LRP1B: variants seen among roughly 807,000 people sequenced by gnomAD.
The protein encoded by LRP1B is LDL receptor related protein 1B, also known as low-density lipoprotein receptor-related protein 1B.
A neutral mutation model predicts 556.6 loss-of-function variants in LRP1B; 217 were observed. The observed-to-expected ratio is 0.39, with a 90% CI of 0.35 to 0.44. The LOEUF is 0.44. Ranked by LOEUF, LRP1B falls within the 20% of genes least tolerant of loss-of-function variation. The pLI is 1.00. For synonymous variants in LRP1B, 2,047 were observed against 1,865.8 expected, an observed-to-expected ratio of 1.10 and a Z score of -2.50; for missense variants, 5,053 against 5,620.8, an observed-to-expected ratio of 0.90 and a Z score of 3.23.
intron 7 of LRP1B, among the ~76,000 whole-genome samples, chr2:141,118,574 G>A (rs149585308): frequency 1.8e-3 from 280 of 152,024 alleles, no homozygotes; most frequent in African/African-American, 6.4e-3. Flanking sequence ...CGAAGAGATT[G>A]AAATAAGTAG....
At chr2:140,773,037 G>A (rs1425820578) in intron 33 of LRP1B, among the ~76,000 whole-genome samples, 1 of 152,124 alleles carries the variant, frequency 6.6e-6, no homozygotes, top group Non-Finnish European at 1.5e-5. Context: ...GACAGAGGCT[G>A]CAGAGATTAT....
chr2:141,048,888 T>A, intron 11 of LRP1B, 98 bp downstream of exon 11: 1 of 896,538 alleles, frequency 1.1e-6, no homozygotes. Context: ...CAGAAGAACT[T>A]GAGTTCTGGT....
intron 2 of LRP1B, among the ~76,000 whole-genome samples, chr2:141,642,863 T>C (rs1448076403): frequency 6.6e-6 from 1 of 152,180 alleles, no homozygotes; most frequent in Non-Finnish European, 1.5e-5. Flanking sequence ...CGAGTCTTTT[T>C]TACCTAAACT....
chr2:141,603,142 A>G (rs1031309926), intron 2 of LRP1B, among the ~76,000 whole-genome samples: 2 of 152,208 alleles, frequency 1.3e-5, no homozygotes, highest in Non-Finnish European at 2.9e-5. Flanking sequence ...GATTCCTGGA[A>G]GCAACATCAG....
At chr2:141,988,917 C>T (rs1702271572) in intron 1 of LRP1B, among the ~76,000 whole-genome samples, 1 of 151,940 alleles carries the variant, frequency 6.6e-6, no homozygotes, top group Non-Finnish European at 1.5e-5. Flanking sequence ...TAAATAAGTG[C>T]CTACTGCATG....
chr2:141,103,621 T>C (rs939007344), intron 7 of LRP1B, among the ~76,000 whole-genome samples: 1 of 150,808 alleles, frequency 6.6e-6, no homozygotes, highest in African/African-American at 2.4e-5. Flanking sequence ...CTATGTTTTC[T>C]TTGCCAATAG....
At chr2:141,118,976 T>C (rs1187265637) in intron 7 of LRP1B, among the ~76,000 whole-genome samples, 1 of 151,916 alleles carries the variant, frequency 6.6e-6, no homozygotes, top group African/African-American at 2.4e-5. Context: ...AAAGTCTGCC[T>C]TCTCAGCAGA....
intron 45 of LRP1B, among the ~76,000 whole-genome samples, chr2:140,539,789 T>C (rs572132951): frequency 2.0e-5 from 3 of 152,266 alleles, no homozygotes; most frequent in African/African-American, 7.2e-5. Context: ...CAGAGAAGTG[T>C]TAAGTGACAA....
chr2:141,703,412 G>A (rs1692021725), intron 2 of LRP1B, among the ~76,000 whole-genome samples: 1 of 151,866 alleles, frequency 6.6e-6, no homozygotes, highest in Non-Finnish European at 1.5e-5. Flanking sequence ...CTGTTTTTAT[G>A]TATTAATAAC....
In LRP1B at chr2:141,756,175, TTAA is replaced by T. The variant is rs1360103319; in HGVS notation, c.205+54101_205+54103del. Among the ~76,000 whole-genome samples the T allele has an allele frequency of 2.0e-5, 3 of 152,254 alleles. No homozygotes were observed. The East Asian group carries it at 5.8e-4, about 29-fold the overall frequency. Reference sequence around the variant, plus strand: ...CCTTTTGCCAGAAACTTCAAGATTATTAATGTTTCCACAAATGTCAAGTGTTTT... The same window carrying T: ...CCTTTTGCCAGAAACTTCAAGATTATTGTTTCCACAAATGTCAAGTGTTTT... On this transcript the variant is annotated intron_variant, in intron 2 of 90. Transcript: ENST00000389484.
intron 31 of LRP1B, among the ~76,000 whole-genome samples, chr2:140,838,919 T>A (rs547055662): frequency 2.0e-5 from 3 of 152,312 alleles, no homozygotes; most frequent in Admixed American, 2.0e-4. Flanking sequence ...AAGAGAATTT[T>A]TATACTTAAT....
intron 41 of LRP1B, among the ~76,000 whole-genome samples, chr2:140,672,728 C>G (rs12623177): frequency 0.05 from 7,531 of 152,000 alleles, 433 homozygotes; most frequent in East Asian, 0.18. Context: ...TTATTTCCTC[C>G]TCTCTCTTTC....
chr2:140,417,726 A>G (rs562053046), intron 66 of LRP1B, among the ~76,000 whole-genome samples: 2 of 152,306 alleles, frequency 1.3e-5, no homozygotes, highest in African/African-American at 4.8e-5. Context: ...TTGCCCCTGA[A>G]TGTGAGTCTA....
At chr2:141,423,735 A>G (rs1012569979) in intron 3 of LRP1B, among the ~76,000 whole-genome samples, 4 of 152,126 alleles carry the variant, frequency 2.6e-5, no homozygotes, top group Non-Finnish European at 4.4e-5. Flanking sequence ...TTTGTGGATT[A>G]ATCTATGCTT....
chr2:141,207,975 T>C (rs973694214), intron 6 of LRP1B: 1 of 152,144 alleles, frequency 6.6e-6, no homozygotes, highest in Non-Finnish European at 1.5e-5. Context: ...CGTGTCCGCC[T>C]TGGGAAGCAT....
chr2:140,984,538 T>C (rs765504854), intron 17 of LRP1B, among the ~76,000 whole-genome samples: 18 of 152,120 alleles, frequency 1.2e-4, no homozygotes, highest in Non-Finnish European at 2.4e-4. Context: ...GGTTTAATTC[T>C]AGCAAAGTTT....
At chr2:141,648,814 G>C (rs13393506) in intron 2 of LRP1B, among the ~76,000 whole-genome samples, 5,657 of 152,224 alleles carry the variant, frequency 0.037, 372 homozygotes, top group African/African-American at 0.13. Context: ...AAGCCTTCGA[G>C]GACACCCTTC....
At chr2:141,265,890 T>C (rs1684867835) in intron 3 of LRP1B, among the ~76,000 whole-genome samples, 1 of 152,200 alleles carries the variant, frequency 6.6e-6, no homozygotes, top group African/African-American at 2.4e-5. Flanking sequence ...TACTGCAGAA[T>C]TGTTTCTGAG....
At chr2:142,116,192 CAAAAAAA>C (rs70994477) in intron 1 of LRP1B, among the ~76,000 whole-genome samples, 24 of 65,450 alleles carry the variant, frequency 3.7e-4, no homozygotes, top group African/African-American at 1.5e-3. Context: ...GAGTCTGTCT[CAAAAAAA>C]AAAAAAAAAA....
Sources: gnomAD v4.1 joint callset for allele counts (sites outside exome capture counted in the v4.1 genomes callset) on GRCh38, gnomAD v4.1.1 for gene constraint, MANE v1.5 for transcripts, NCBI Gene and HGNC (gene_info 2026-07-23, HGNC 2026-07-21) for gene names.